Variants in COL22A1 observed in about 807,000 individuals in gnomAD.
COL22A1 encodes the protein collagen alpha-1(XXII) chain.
Under a neutral mutation model 248.9 loss-of-function variants are expected in COL22A1, and 221 were observed. That is an observed-to-expected ratio of 0.89 (90% confidence interval 0.80 to 0.99). The LOEUF (loss-of-function observed/expected upper bound fraction) is 0.99. COL22A1 is among the 50% of genes least tolerant of loss of function. The pLI, the probability that COL22A1 is intolerant of heterozygous loss-of-function variation, is 0.00. For missense variants in COL22A1, 2,240 were observed against 2,179.0 expected (o/e 1.03, Z -0.56); for synonymous variants, 891 against 793.4 (o/e 1.12, Z -2.07).
chr8:138,732,326 C>A (rs987772833), intron 23 of COL22A1, among the ~76,000 whole-genome samples: 10 of 152,246 alleles, frequency 6.6e-5, no homozygotes, highest in African/African-American at 2.4e-4. Context: ...GCAAGTCACT[C>A]TTCCCCTGTG....
rs929647673 is a variant in COL22A1 at position 138,808,366 on chromosome 8, G to A, written c.1450-554C>T. Among the ~76,000 whole-genome samples, 6 of 152,130 alleles carry A rather than the reference G, an allele frequency of 3.9e-5. No individual in the cohort carries two copies. The East Asian group carries it at 1.2e-3, about 29-fold the overall frequency. On this transcript the variant is annotated intron_variant, in intron 9 of 64. Coordinates refer to ENST00000303045, the MANE Select transcript of COL22A1 (RefSeq NM_152888.3). ...GTTTGTCAATACCCAAACTAAATAT[G>A]TAAATAAATTAAAAAACCCAAAGGG...
At chr8:138,727,697 A>G (rs1452263585) in intron 23 of COL22A1, among the ~76,000 whole-genome samples, 4 of 152,030 alleles carry the variant, frequency 2.6e-5, no homozygotes, top group African/African-American at 4.8e-5. Flanking sequence ...GGGCACCTGG[A>G]CCTAGTTTTC....
At chr8:138,802,813 C>A (rs1817112634) in intron 11 of COL22A1, 59 bp downstream of exon 11, 2 of 1,366,998 alleles carry the variant, frequency 1.5e-6, no homozygotes, top group African/African-American at 2.9e-5. Flanking sequence ...TCGGAGGGCC[C>A]TGGGTCCCCC....
intron 49 of COL22A1, among the ~76,000 whole-genome samples, chr8:138,631,998 G>T (rs1272003817): frequency 2.0e-5 from 3 of 152,294 alleles, no homozygotes; most frequent in South Asian, 4.1e-4. Flanking sequence ...TGAATTAGAA[G>T]TTGAACTGAC....
At chr8:138,813,485 A>C (rs1297580775) in intron 7 of COL22A1, among the ~76,000 whole-genome samples, 1 of 152,196 alleles carries the variant, frequency 6.6e-6, no homozygotes, top group Non-Finnish European at 1.5e-5. Context: ...CTCCCCAGCC[A>C]TATGGAACCG....
At chr8:138,806,049 G>T (rs1355210335) in intron 10 of COL22A1, among the ~76,000 whole-genome samples, 90 of 5,684 alleles carry the variant, frequency 0.016, no homozygotes, top group African/African-American at 0.026. Context: ...TGATGGTGTA[G>T]GTAATGGTGT....
At chr8:138,848,285 C>G (rs1375936240) in intron 3 of COL22A1, among the ~76,000 whole-genome samples, 1 of 152,206 alleles carries the variant, frequency 6.6e-6, no homozygotes, top group Non-Finnish European at 1.5e-5. Context: ...CCTTCACTCT[C>G]TAGGTAAGTG....
chr8:138,742,307 A>T (rs1292381394), intron 22 of COL22A1, among the ~76,000 whole-genome samples: 1 of 149,662 alleles, frequency 6.7e-6, no homozygotes, highest in Non-Finnish European at 1.5e-5. Flanking sequence ...AGTGATTGTG[A>T]TGGTGATGGT....
chr8:138,635,020 G>C lies in COL22A1; in HGVS notation c.3599C>G (p.Pro1200Arg), dbSNP rs1005380160. 5.0e-6 allele frequency: 8 copies of C among 1,607,360 alleles called. No individual in the cohort carries two copies. The highest frequency in any genetic ancestry group is 6.0e-6 in the Non-Finnish European group (7 of 1,175,016). Residue 1200 changes from proline to arginine, a missense_variant, in exon 49 of 65, where the codon CCT becomes CGT. Physicochemically the swap from Pro to Arg is moderately radical, Grantham distance 103 (BLOSUM62 -2). Transcript: ENST00000303045. The part of the protein sequence containing the change: ...VPGFMGPPGN[P>R]GPPGADGIAG... ...AAGATGATTACTTACTGGTGGCCCA[G>C]GGTTCCCTGGGGGCCCCATGAAACC... is the stretch of plus-strand genomic sequence containing the variant.
intron 3 of COL22A1, among the ~76,000 whole-genome samples, chr8:138,844,399 C>T (rs897406803): frequency 1.3e-5 from 2 of 152,222 alleles, no homozygotes; most frequent in Non-Finnish European, 2.9e-5. Context: ...ATGAACAAGG[C>T]TTTCTTCCTG....
At chr8:138,597,090 T>C in intron 61 of COL22A1, 120 bp from the exon 62 acceptor site, 1 of 734,530 alleles carries the variant, frequency 1.4e-6, no homozygotes. Context: ...GGGAAGCACA[T>C]GTTCCTAGCC....
At chr8:138,912,428 G>T (rs1257925112) in intron 1 of COL22A1, among the ~76,000 whole-genome samples, 1 of 152,208 alleles carries the variant, frequency 6.6e-6, no homozygotes, top group Non-Finnish European at 1.5e-5. Context: ...GAGTGAGAAA[G>T]ACCCACGTAG....
intron 19 of COL22A1, 77 bp from the exon 20 acceptor site, chr8:138,755,588 G>T (rs1432341024): frequency 1.9e-5 from 28 of 1,502,734 alleles, no homozygotes; most frequent in Non-Finnish European, 2.4e-5. Context: ...CTGCACTAAG[G>T]CCATTCATTC....
intron 4 of COL22A1, among the ~76,000 whole-genome samples, chr8:138,833,453 G>A (rs1263181643): frequency 6.6e-6 from 1 of 152,198 alleles, no homozygotes; most frequent in East Asian, 1.9e-4. Context: ...GTTGTGTGAG[G>A]GCCGCAGGGT....
chr8:138,597,042 G>T, intron 61 of COL22A1, 72 bp from the exon 62 acceptor site: 2 of 1,332,348 alleles, frequency 1.5e-6, no homozygotes, highest in South Asian at 1.2e-5. Flanking sequence ...TGAGGACTTG[G>T]GAAACCAGGA....
intron 47 of COL22A1, among the ~76,000 whole-genome samples, 169 bp from the exon 48 acceptor site, chr8:138,636,964 G>C (rs1265797046): frequency 2.6e-5 from 4 of 152,174 alleles, no homozygotes; most frequent in Non-Finnish European, 5.9e-5. Context: ...ACAGGGCCTG[G>C]TTGAGGATGT....
chr8:138,768,881 G>T (rs907624003), intron 16 of COL22A1, among the ~76,000 whole-genome samples: 9 of 152,048 alleles, frequency 5.9e-5, no homozygotes, highest in Non-Finnish European at 1.0e-4. Context: ...AGGTTTCAGT[G>T]AGCCGAGATA....
At chr8:138,695,198 C>T (rs1827409830) in intron 32 of COL22A1, among the ~76,000 whole-genome samples, 1 of 152,190 alleles carries the variant, frequency 6.6e-6, no homozygotes, top group African/African-American at 2.4e-5. Flanking sequence ...CAGTTTTACA[C>T]TTAGTTGTGT....
At chr8:138,820,596 GATT>G (rs1468983426) in intron 7 of COL22A1, among the ~76,000 whole-genome samples, 1 of 152,104 alleles carries the variant, frequency 6.6e-6, no homozygotes, top group African/African-American at 2.4e-5. Context: ...CAATGAGGAT[GATT>G]ATTGTTTATT....
Sources: gnomAD v4.1 joint callset for allele counts (sites outside exome capture counted in the v4.1 genomes callset) on GRCh38, gnomAD v4.1.1 for gene constraint, MANE v1.5 for transcripts, NCBI Gene and HGNC (gene_info 2026-07-23, HGNC 2026-07-21) for gene names.